CDH1: variants seen among roughly 807,000 people sequenced by gnomAD.
CDH1 encodes the protein cadherin-1.
Under a neutral mutation model 84.5 loss-of-function variants are expected in CDH1, and 35 were observed. The ratio of observed to expected loss-of-function variants is 0.41; its 90% CI spans 0.32 to 0.55. The LOEUF (loss-of-function observed/expected upper bound fraction) is 0.55. CDH1 is among the 20% of genes least tolerant of loss of function. CDH1 has a pLI of 0.19. For synonymous variants in CDH1, 417 were observed against 439.0 expected, an observed-to-expected ratio of 0.95 and a Z score of 0.63; for missense variants, 994 against 1,126.6, an observed-to-expected ratio of 0.88 and a Z score of 1.68.
intron 15 of CDH1, among the ~76,000 whole-genome samples, 182 bp downstream of exon 15, chr16:68,829,979 C>T (rs571487023): frequency 4.5e-5 from 6 of 132,170 alleles, no homozygotes; most frequent in East Asian, 4.3e-4. Flanking sequence ...TTTTTTGAGA[C>T]GAAGTTTCAC....
At chr16:68,745,550 A>AAAAAATATATATATATG (rs71253605) in intron 2 of CDH1, among the ~76,000 whole-genome samples, 2 of 50,498 alleles carry the variant, frequency 4.0e-5, no homozygotes, top group Non-Finnish European at 6.6e-5. Context: ...AAAAAAAAAA[A>AAAAAATATATATATATG]TATATATATA....
chr16:68,812,670 T>G (rs1349355624), intron 8 of CDH1, among the ~76,000 whole-genome samples: 1 of 152,224 alleles, frequency 6.6e-6, no homozygotes, highest in Non-Finnish European at 1.5e-5. Flanking sequence ...AGACATCTTA[T>G]GAGAATTATT....
chr16:68,740,428 C>T (rs1962532912), intron 2 of CDH1, among the ~76,000 whole-genome samples: 1 of 152,078 alleles, frequency 6.6e-6, no homozygotes, highest in Admixed American at 6.6e-5. Context: ...ATTCACCCGC[C>T]TTGGCCTCCC....
chr16:68,815,463 C>G (rs907971134), intron 9 of CDH1, 52 bp from the exon 10 acceptor site: 1 of 1,611,428 alleles, frequency 6.2e-7, no homozygotes, highest in Non-Finnish European at 8.5e-7. Flanking sequence ...TTTATTTTTA[C>G]TAACACAAAA....
intron 2 of CDH1, among the ~76,000 whole-genome samples, chr16:68,764,779 A>G (rs9936621): frequency 0.3 from 45,152 of 152,022 alleles, 6,803 homozygotes; most frequent in Middle Eastern, 0.34. Flanking sequence ...GTGGCCAGGG[A>G]GCCCCTTCCT....
chr16:68,829,567 A>G (rs1196041324), intron 14 of CDH1, 87 bp from the exon 15 acceptor site: 4 of 1,331,036 alleles, frequency 3.0e-6, no homozygotes, highest in African/African-American at 2.9e-5. Context: ...GCATCATCCA[A>G]CCATAATCTA....
intron 2 of CDH1, among the ~76,000 whole-genome samples, chr16:68,739,764 C>T (rs189289550): frequency 7.9e-5 from 12 of 151,982 alleles, no homozygotes; most frequent in African/African-American, 2.9e-4. Flanking sequence ...ACAGGTGCCA[C>T]CACCATGCCC....
At chr16:68,773,597 C>T (rs577433741) in intron 2 of CDH1, among the ~76,000 whole-genome samples, 2 of 152,244 alleles carry the variant, frequency 1.3e-5, no homozygotes, top group African/African-American at 4.8e-5. Context: ...GTGCACCCAG[C>T]CTGCTCAAGT....
At chr16:68,802,482 C>G (rs1960542318) in intron 3 of CDH1, among the ~76,000 whole-genome samples, 1 of 151,750 alleles carries the variant, frequency 6.6e-6, no homozygotes, top group Non-Finnish European at 1.5e-5. Flanking sequence ...CTCTCTCTCT[C>G]TCTTTTTTTT....
chr16:68,832,582 G>C (rs1961513790), intron 15 of CDH1, among the ~76,000 whole-genome samples: 1 of 152,176 alleles, frequency 6.6e-6, no homozygotes, highest in Admixed American at 6.5e-5. Flanking sequence ...CACTTTGGGA[G>C]GCCGAGGCAG....
chr16:68,806,501 A>G lies in CDH1; in HGVS notation c.388-1923A>G, dbSNP rs1253785327. On this transcript the variant is annotated intron_variant, in intron 3 of 15. Transcript: ENST00000261769. ...TTTATTTTGTTCATGTGCTGGGGTC[A>G]AATCTCAATAAAACCATAACTCAGT... 6.6e-5 allele frequency among the ~76,000 whole-genome samples: 10 copies of G among 152,250 alleles called. No individual in the cohort carries two copies. The East Asian group carries it at 1.7e-3, about 26-fold the overall frequency.
chr16:68,822,811 C>T (rs1234541600), intron 12 of CDH1: 2 of 248,350 alleles, frequency 8.1e-6, no homozygotes, highest in South Asian at 5.2e-5. Flanking sequence ...GTGGCGGCCG[C>T]ACTGTCTTCC....
Position 68,757,220 on chromosome 16 carries a change from C to T in CDH1, c.163+18809C>T, listed in dbSNP as rs535979145. On this transcript the variant is annotated intron_variant, in intron 2 of 15. Coordinates refer to ENST00000261769, the MANE Select transcript of CDH1 (RefSeq NM_004360.5). ...TCTCCTTCCTCAGCCTCCCGAGTAGCTGGGATTATAGGCCAGCGCCACCAT... is the reference window on the plus strand; with the variant it reads ...TCTCCTTCCTCAGCCTCCCGAGTAGTTGGGATTATAGGCCAGCGCCACCAT... Among the ~76,000 whole-genome samples, 233 of 152,158 alleles carry T rather than the reference C, an allele frequency of 1.5e-3. 1 individual carries two copies. The highest frequency in any genetic ancestry group is 5.3e-3 in the African/African-American group (222 of 41,540).
intron 2 of CDH1, among the ~76,000 whole-genome samples, chr16:68,752,861 T>G (rs995667078): frequency 2.6e-5 from 4 of 152,204 alleles, no homozygotes; most frequent in Non-Finnish European, 5.9e-5. Context: ...AGCCATCTGT[T>G]TGGTTTCCTA....
intron 2 of CDH1, among the ~76,000 whole-genome samples, chr16:68,767,478 C>T (rs1489206780): frequency 2.0e-5 from 3 of 151,830 alleles, no homozygotes; most frequent in Non-Finnish European, 2.9e-5. Flanking sequence ...GATTATAGGC[C>T]TGAGCCACCG....
At position 68,791,773 on chromosome 16, in the gene CDH1, G is replaced by A. The variant is rs570601352; in HGVS notation, c.164-9897G>A. ...TGACATTGAAATGAAAGCCCCATGA[G>A]GTCAGGGACTTTGCTTTGTCCATTG... is the stretch of plus-strand genomic sequence containing the variant. On this transcript the variant is annotated intron_variant, in intron 2 of 15. Transcript: ENST00000261769. 3.9e-5 allele frequency among the ~76,000 whole-genome samples: 6 copies of A among 152,180 alleles called. No homozygotes were observed. The South Asian group carries it at 1.2e-3, about 32-fold the overall frequency.
At chr16:68,807,925 A>G (rs1960707666) in intron 3 of CDH1, among the ~76,000 whole-genome samples, 3 of 152,148 alleles carry the variant, frequency 2.0e-5, no homozygotes, top group African/African-American at 7.2e-5. Flanking sequence ...TACAAAAATT[A>G]GTCAGCCATG....
chr16:68,763,467 G>A (rs1185659586), intron 2 of CDH1: 1 of 152,220 alleles, frequency 6.6e-6, no homozygotes, highest in East Asian at 1.9e-4. Flanking sequence ...TGAAGAGACT[G>A]AGGTTTAGAG....
In CDH1 at chr16:68,812,860, C is replaced by T. The variant is rs574181593; in HGVS notation, c.1138-453C>T. The stretch of plus-strand genomic sequence containing the variant: ...TTTGAGACCAGCCTGGCCAACGTGG[C>T]GAAACTCCATCTCCACTAAAAATAC... On this transcript the variant is annotated intron_variant, in intron 8 of 15. Coordinates refer to ENST00000261769, the MANE Select transcript of CDH1 (RefSeq NM_004360.5). Among the ~76,000 whole-genome samples, 4 of 152,142 alleles carry T rather than the reference C, an allele frequency of 2.6e-5. No individual in the cohort carries two copies. In the East Asian group the frequency reaches 5.8e-4, roughly 22 times the overall value.
Sources: gnomAD v4.1 joint callset for allele counts (sites outside exome capture counted in the v4.1 genomes callset) on GRCh38, gnomAD v4.1.1 for gene constraint, MANE v1.5 for transcripts, NCBI Gene and HGNC (gene_info 2026-07-23, HGNC 2026-07-21) for gene names.